ZNF536: variants seen among roughly 807,000 people sequenced by gnomAD.
ZNF536 encodes zinc finger protein 536.
Under a neutral mutation model 84.5 loss-of-function variants are expected in ZNF536, and 13 were observed. The ratio of observed to expected loss-of-function variants is 0.15; its 90% CI spans 0.10 to 0.24. ZNF536 has a LOEUF of 0.24. ZNF536 is among the 10% of genes least tolerant of loss of function. The pLI is 1.00. For synonymous variants in ZNF536, 811 were observed against 742.5 expected (o/e 1.09, Z -1.50); for missense variants, 1,536 against 1,747.5 (o/e 0.88, Z 2.16).
At chr19:30,687,531 T>C (rs2051238238) in intron 1 of ZNF536, among the ~76,000 whole-genome samples, 1 of 152,200 alleles carries the variant, frequency 6.6e-6, no homozygotes, top group African/African-American at 2.4e-5. Flanking sequence ...AAAAGGGAAG[T>C]CGGTGGCTAA....
chr19:30,607,433 AAAGT>A (rs2047940353), intron 1 of ZNF536, among the ~76,000 whole-genome samples: 1 of 152,106 alleles, frequency 6.6e-6, no homozygotes, highest in South Asian at 2.1e-4. Flanking sequence ...TATATTTTAA[AAAGT>A]AGCCGGGCAC....
chr19:30,245,719 C>G (rs897022793), intron 1 of ZNF536, among the ~76,000 whole-genome samples: 2 of 152,232 alleles, frequency 1.3e-5, no homozygotes, highest in Non-Finnish European at 1.5e-5. Context: ...TGTAGGGGCA[C>G]TGGCTTAATC....
chr19:30,326,558 G>A (rs1035363887), intron 2 of ZNF536, among the ~76,000 whole-genome samples: 1 of 152,108 alleles, frequency 6.6e-6, no homozygotes, highest in Non-Finnish European at 1.5e-5. Context: ...TGAGGAGAGG[G>A]CCAGGGGATG....
At chr19:30,608,438 G>A (rs2047973329) in intron 1 of ZNF536, among the ~76,000 whole-genome samples, 1 of 152,092 alleles carries the variant, frequency 6.6e-6, no homozygotes, top group African/African-American at 2.4e-5. Context: ...GTGATATGAT[G>A]CATACCAAAA....
In ZNF536 at chr19:30,440,932, TAGATA is replaced by T. The variant is rs1568429967; in HGVS notation, c.-2-2628_-2-2624del. On this transcript the variant is annotated intron_variant, in intron 1 of 4. Transcript: ENST00000355537. ...ATAGATAGATAGATAGATAGATAGATAGATAGATTTGAAAAAAATAAAAGAATTCC... is the reference window on the plus strand; with the variant it reads ...ATAGATAGATAGATAGATAGATAGATGATTTGAAAAAAATAAAAGAATTCC... Among the ~76,000 whole-genome samples, 236 of 127,482 alleles carry T rather than the reference TAGATA, an allele frequency of 1.9e-3. 1 individual carries two copies. Among genetic ancestry groups the T allele is most frequent in the African/African-American group, 7.0e-3 (228 of 32,798 alleles). 83.6% of individuals were successfully genotyped at this position (127,482 alleles called of 152,430 possible).
chr19:30,594,975 T>A (rs932844701), intron 1 of ZNF536, among the ~76,000 whole-genome samples: 6 of 151,952 alleles, frequency 3.9e-5, no homozygotes, highest in African/African-American at 1.5e-4. Context: ...CAGCACTGAG[T>A]TCTTCCAGGA....
chr19:30,622,518 G>T (rs764491696), intron 1 of ZNF536, among the ~76,000 whole-genome samples: 6 of 152,234 alleles, frequency 3.9e-5, no homozygotes, highest in Non-Finnish European at 7.3e-5. Flanking sequence ...TTGGTGCCTT[G>T]CTGGAGTCGC....
intron 1 of ZNF536, among the ~76,000 whole-genome samples, chr19:30,601,133 C>G (rs759789678): frequency 1.3e-5 from 2 of 152,130 alleles, no homozygotes; most frequent in Non-Finnish European, 2.9e-5. Context: ...CTCTGGGAGC[C>G]GGAAGATACC....
At chr19:30,588,438 C>T (rs2047169670) in intron 1 of ZNF536, among the ~76,000 whole-genome samples, 1 of 152,088 alleles carries the variant, frequency 6.6e-6, no homozygotes, top group Non-Finnish European at 1.5e-5. Context: ...CAGACTAAGG[C>T]CAGCCAATGG....
intron 2 of ZNF536, among the ~76,000 whole-genome samples, chr19:30,532,133 T>A (rs930186459): frequency 1.3e-5 from 2 of 149,578 alleles, no homozygotes; most frequent in Non-Finnish European, 3.0e-5. Flanking sequence ...TTTTTTTTTT[T>A]ATTTTTCATA....
intron 1 of ZNF536, among the ~76,000 whole-genome samples, chr19:30,421,632 G>T (rs1386324215): frequency 1.3e-5 from 2 of 152,198 alleles, no homozygotes; most frequent in Non-Finnish European, 2.9e-5. Flanking sequence ...CAAAGTACTG[G>T]GATTTCGGGC....
At chr19:30,263,571 C>T (rs1191272931) in intron 1 of ZNF536, among the ~76,000 whole-genome samples, 1 of 152,148 alleles carries the variant, frequency 6.6e-6, no homozygotes, top group African/African-American at 2.4e-5. Context: ...TGATCTCATT[C>T]GCAACTCGGC....
chr19:30,337,505 G>T (rs1162831359), intron 2 of ZNF536, among the ~76,000 whole-genome samples: 1 of 152,162 alleles, frequency 6.6e-6, no homozygotes. Context: ...CAAAGCCCAA[G>T]CAGCCTCCCT....
chr19:30,453,860 A>G (rs547436579), intron 2 of ZNF536, among the ~76,000 whole-genome samples: 20 of 152,248 alleles, frequency 1.3e-4, no homozygotes, highest in Middle Eastern at 6.8e-3. Flanking sequence ...TTCTTGTGGG[A>G]CCCATCTCTT....
intron 1 of ZNF536, among the ~76,000 whole-genome samples, chr19:30,392,307 G>A (rs1423351692): frequency 1.3e-5 from 2 of 152,190 alleles, no homozygotes; most frequent in Admixed American, 1.3e-4. Context: ...AGATTGTGCG[G>A]TTGAATCTAA....
At chr19:30,690,442 G>A (rs113822908) in intron 1 of ZNF536, among the ~76,000 whole-genome samples, 195 of 152,272 alleles carry the variant, frequency 1.3e-3, no homozygotes, top group African/African-American at 4.4e-3. Flanking sequence ...CATTCAGGTC[G>A]AGTCTCTCTC....
At position 30,557,271 on chromosome 19, in the gene ZNF536, C is replaced by A; in HGVS notation, c.*107C>A. The A allele has an allele frequency of 1.6e-6, 2 of 1,276,608 alleles. No homozygotes were observed. Among genetic ancestry groups the A allele is most frequent in the South Asian group, 1.2e-5 (1 of 81,584 alleles). 79.1% of individuals were successfully genotyped at this position (1,276,608 alleles called of 1,614,324 possible). A position where few individuals can be genotyped will look rare whatever the true frequency, so the allele number is the denominator to read the frequency against. ...TGTAAAGTCAAGAGAAGAATGTATACACATATGTGTGTTGAATAATTACTA... is the reference window on the plus strand; with the variant it reads ...TGTAAAGTCAAGAGAAGAATGTATAAACATATGTGTGTTGAATAATTACTA... On this transcript the variant is annotated 3_prime_UTR_variant, in exon 5 of 5. Transcript: ENST00000355537.
intron 1 of ZNF536, among the ~76,000 whole-genome samples, chr19:30,380,186 C>T (rs949365724): frequency 2.6e-5 from 4 of 152,124 alleles, no homozygotes; most frequent in African/African-American, 9.7e-5. Context: ...TCTGTGAAAA[C>T]AGATTTTTTT....
chr19:30,356,233 T>G (rs917580057), intron 3 of ZNF536, among the ~76,000 whole-genome samples: 2 of 152,176 alleles, frequency 1.3e-5, no homozygotes, highest in Non-Finnish European at 1.5e-5. Context: ...ATGTTCAGGT[T>G]GGGAGGCCCA....
Sources: gnomAD v4.1 joint callset for allele counts (sites outside exome capture counted in the v4.1 genomes callset) on GRCh38, gnomAD v4.1.1 for gene constraint, MANE v1.5 for transcripts, NCBI Gene and HGNC (gene_info 2026-07-23, HGNC 2026-07-21) for gene names.